CSMD3: variants seen among roughly 807,000 people sequenced by gnomAD.
CSMD3 encodes the protein CUB and Sushi multiple domains 3, also known as CUB and sushi domain-containing protein 3.
CSMD3 carries 177 observed loss-of-function variants against 435.2 expected under a neutral mutation model. That is an observed-to-expected ratio of 0.41 (90% CI 0.36 to 0.46). The LOEUF (loss-of-function observed/expected upper bound fraction) is 0.46. Among genes scored for constraint, CSMD3 ranks in the 20% least tolerant of loss-of-function variants. The pLI is 0.34. For synonymous variants in CSMD3, 1,656 were observed against 1,520.5 expected, an observed-to-expected ratio of 1.09 and a Z score of -2.07; for missense variants, 4,265 against 4,504.6, an observed-to-expected ratio of 0.95 and a Z score of 1.52.
chr8:112,733,071 GTTT>G (rs1220224362), intron 13 of CSMD3, among the ~76,000 whole-genome samples: 1 of 151,986 alleles, frequency 6.6e-6, no homozygotes, highest in African/African-American at 2.4e-5. Flanking sequence ...TAGACCTTTT[GTTT>G]TCACCAACCA....
chr8:112,603,713 T>C (rs1832563225), intron 22 of CSMD3, among the ~76,000 whole-genome samples: 1 of 152,182 alleles, frequency 6.6e-6, no homozygotes, highest in South Asian at 2.1e-4. Flanking sequence ...GTTTTTCTCT[T>C]TTTTTATGTT....
At chr8:112,642,912 G>C (rs1245328485) in intron 20 of CSMD3, among the ~76,000 whole-genome samples, 1 of 152,164 alleles carries the variant, frequency 6.6e-6, no homozygotes, top group South Asian at 2.1e-4. Context: ...GTGTTACACT[G>C]TGCCATGATG....
intron 68 of CSMD3, among the ~76,000 whole-genome samples, chr8:112,232,325 A>C (rs1358096092): frequency 6.6e-6 from 1 of 152,180 alleles, no homozygotes; most frequent in African/African-American, 2.4e-5. Flanking sequence ...AAAGTATTGT[A>C]GTCTAGGTGA....
chr8:113,435,585 GCCAAA>G, intron 1 of CSMD3, among the ~76,000 whole-genome samples: 1 of 152,000 alleles, frequency 6.6e-6, no homozygotes, highest in South Asian at 2.1e-4. Flanking sequence ...GCGCGCCTGG[GCCAAA>G]ACAGCACCCC....
rs980173120 is a variant in CSMD3, at chr8:112,514,054, C to T, written c.4756+2980G>A. ...CTCTAAAATGATTTTTATTCTATTA[C>T]TTAAATTATTGTTTTTCTTCTAGAG... On this transcript the variant is annotated intron_variant, in intron 28 of 70. Transcript: ENST00000297405. 2.6e-5 allele frequency among the ~76,000 whole-genome samples: 4 copies of T among 152,036 alleles called. No homozygotes were observed. The East Asian group carries it at 7.7e-4, about 29-fold the overall frequency.
At chr8:113,300,162 C>CAAA (rs34291122) in intron 2 of CSMD3, among the ~76,000 whole-genome samples, 36,386 of 115,848 alleles carry the variant, frequency 0.31, 6,337 homozygotes, top group East Asian at 0.66. Flanking sequence ...TCAAAAAAGT[C>CAAA]AAAAAAAAAA....
At chr8:112,679,823 A>G (rs190495287) in intron 16 of CSMD3, among the ~76,000 whole-genome samples, 36 of 152,278 alleles carry the variant, frequency 2.4e-4, no homozygotes, top group Admixed American at 2.4e-3. Flanking sequence ...AACAAATTTC[A>G]GTGCAGGGGA....
chr8:113,149,521 G>A (rs2131775703), intron 4 of CSMD3, among the ~76,000 whole-genome samples: 1 of 151,888 alleles, frequency 6.6e-6, no homozygotes, highest in East Asian at 2.0e-4. Context: ...TCCTTGACAT[G>A]TATGCAATTC....
intron 5 of CSMD3, among the ~76,000 whole-genome samples, chr8:113,022,402 TG>T (rs1355999372): frequency 6.6e-6 from 1 of 151,836 alleles, no homozygotes; most frequent in Non-Finnish European, 1.5e-5. Flanking sequence ...CAAATACCAA[TG>T]GTAAAGGTTG....
chr8:112,781,586 C>T (rs1238777245), intron 13 of CSMD3, among the ~76,000 whole-genome samples: 1 of 152,072 alleles, frequency 6.6e-6, no homozygotes, highest in Non-Finnish European at 1.5e-5. Context: ...TAAACACCAG[C>T]AGTAGACAGG....
intron 2 of CSMD3, among the ~76,000 whole-genome samples, chr8:113,279,157 A>T (rs2093594109): frequency 6.6e-6 from 1 of 151,044 alleles, no homozygotes; most frequent in Admixed American, 6.7e-5. Context: ...TATGACTAAA[A>T]ATCTCTCTAT....
intron 5 of CSMD3, among the ~76,000 whole-genome samples, chr8:113,078,267 AT>A (rs1315488524): frequency 1.3e-5 from 2 of 152,108 alleles, no homozygotes; most frequent in African/African-American, 4.8e-5. Context: ...GAGATATGCT[AT>A]TTATTTATTT....
intron 13 of CSMD3, among the ~76,000 whole-genome samples, chr8:112,735,135 T>C (rs1034496224): frequency 7.2e-5 from 11 of 152,020 alleles, no homozygotes; most frequent in African/African-American, 2.4e-4. Context: ...AATTCTTAAA[T>C]GAAATAATAA....
At chr8:112,355,071 T>C (rs1826465369) in intron 38 of CSMD3, among the ~76,000 whole-genome samples, 1 of 152,228 alleles carries the variant, frequency 6.6e-6, no homozygotes, top group Non-Finnish European at 1.5e-5. Context: ...TACTTGATTT[T>C]CATCAAAGTT....
intron 5 of CSMD3, among the ~76,000 whole-genome samples, chr8:113,086,318 CATCA>C (rs1355834011): frequency 2.0e-5 from 3 of 151,484 alleles, no homozygotes; most frequent in Non-Finnish European, 2.9e-5. Context: ...TGTAATGTTC[CATCA>C]ATCAATCTAT....
At chr8:112,733,086 T>A (rs2132021879) in intron 13 of CSMD3, among the ~76,000 whole-genome samples, 1 of 152,214 alleles carries the variant, frequency 6.6e-6, no homozygotes, top group Non-Finnish European at 1.5e-5. Flanking sequence ...CACCAACCAG[T>A]CCTCAATAAG....
intron 1 of CSMD3, among the ~76,000 whole-genome samples, chr8:113,399,313 C>T (rs1002335708): frequency 2.0e-5 from 3 of 151,396 alleles, no homozygotes; most frequent in African/African-American, 7.3e-5. Flanking sequence ...AACAATTCAA[C>T]TCCTAACTAT....
chr8:113,247,880 T>G (rs2093292085), intron 3 of CSMD3, among the ~76,000 whole-genome samples: 1 of 152,066 alleles, frequency 6.6e-6, no homozygotes, highest in Non-Finnish European at 1.5e-5. Flanking sequence ...TGACATATAA[T>G]AAAACAGATA....
chr8:112,525,826 A>ATAT (rs1258902488), intron 27 of CSMD3, among the ~76,000 whole-genome samples: 1 of 135,326 alleles, frequency 7.4e-6, no homozygotes, highest in African/African-American at 2.8e-5. Context: ...ACATATAAAA[A>ATAT]ATATATATAT....
Sources: allele counts gnomAD v4.1 joint callset (sites outside exome capture counted in the v4.1 genomes callset), GRCh38; gene constraint gnomAD v4.1.1; transcripts MANE v1.5; gene names NCBI Gene and HGNC (gene_info 2026-07-23, HGNC 2026-07-21).